Variants in ZNF577 observed in about 807,000 individuals in gnomAD.
ZNF577 encodes zinc finger protein 577.
Under a neutral mutation model 13.9 loss-of-function variants are expected in ZNF577, and 14 were observed. The ratio of observed to expected loss-of-function variants is 1.00; its 90% CI spans 0.66 to 1.57. The LOEUF (loss-of-function observed/expected upper bound fraction) is 1.57. Among genes scored for constraint, ZNF577 ranks in the 40% most tolerant of loss-of-function variants. ZNF577 has a pLI of 0.00. For missense variants in ZNF577, 555 were observed against 579.2 expected, an observed-to-expected ratio of 0.96 and a Z score of 0.43; for synonymous variants, 203 against 202.9, an observed-to-expected ratio of 1.00 and a Z score of 0.00.
intron 5 of ZNF577, among the ~76,000 whole-genome samples, chr19:51,848,120 T>C (rs983041334): frequency 3.9e-5 from 6 of 152,202 alleles, no homozygotes; most frequent in Non-Finnish European, 1.5e-5. Flanking sequence ...ACTGATCCTT[T>C]CTAATCTTCT....
chr19:51,885,331 G>A (rs1327629689), intron 1 of ZNF577, among the ~76,000 whole-genome samples: 1 of 152,138 alleles, frequency 6.6e-6, no homozygotes, highest in Non-Finnish European at 1.5e-5. Context: ...TCATCTGTCT[G>A]CACCTTTACA....
Position 51,877,386 on chromosome 19 carries a change from G to T in ZNF577, c.188-9C>A. Reference sequence around the variant, plus strand: ...CTTGGTGCCTCGATACCCTGTAAATGGGAGATCACTGAACACTTGGCACGT... The same window carrying T: ...CTTGGTGCCTCGATACCCTGTAAATTGGAGATCACTGAACACTTGGCACGT... On this transcript the variant is annotated splice_polypyrimidine_tract_variant and intron_variant, in intron 4 of 5. Coordinates refer to ENST00000638348, the MANE Select transcript of ZNF577 (RefSeq NM_001370449.1). 6.2e-7 allele frequency: 1 copy of T among 1,611,466 alleles called. No homozygotes were observed. Among genetic ancestry groups the T allele is most frequent in the Non-Finnish European group, 8.5e-7 (1 of 1,177,742 alleles).
intron 10 of ZNF577, among the ~76,000 whole-genome samples, chr19:51,807,220 G>C (rs904585595): frequency 6.6e-6 from 1 of 152,182 alleles, no homozygotes; most frequent in African/African-American, 2.4e-5. Context: ...AGGAAGTGGG[G>C]GGGGTGGTTG....
chr19:51,857,348 GAGAAAGAAAGAAGGAAGGAA>G (rs2084435764), intron 5 of ZNF577, among the ~76,000 whole-genome samples: 1 of 58,628 alleles, frequency 1.7e-5, no homozygotes, highest in Non-Finnish European at 3.0e-5. Context: ...GAAAGAAAGA[GAGAAAGAAAGAAGGAAGGAA>G]AGAAAGAAAG....
At chr19:51,836,223 TC>T (rs2122529147) in intron 9 of ZNF577, among the ~76,000 whole-genome samples, 1 of 152,348 alleles carries the variant, frequency 6.6e-6, no homozygotes, top group African/African-American at 2.4e-5. Flanking sequence ...TAATTTCTAC[TC>T]TTCAAAAATC....
At chr19:51,806,830 G>GCGTA (rs774864994) in intron 10 of ZNF577, among the ~76,000 whole-genome samples, 2 of 152,216 alleles carry the variant, frequency 1.3e-5, no homozygotes, top group Non-Finnish European at 2.9e-5. Context: ...TCTGGGTCTA[G>GCGTA]CGTACTTTTA....
At chr19:51,853,524 G>A (rs2084390052) in intron 5 of ZNF577, among the ~76,000 whole-genome samples, 1 of 152,184 alleles carries the variant, frequency 6.6e-6, no homozygotes, top group African/African-American at 2.4e-5. Context: ...TTTTACAGAT[G>A]CATTAGAGGA....
At chr19:51,813,743 C>A (rs1002044786) in intron 9 of ZNF577, among the ~76,000 whole-genome samples, 4 of 152,088 alleles carry the variant, frequency 2.6e-5, no homozygotes, top group Admixed American at 2.6e-4. Context: ...ACTGTGTTAG[C>A]CAGGATGGAC....
At chr19:51,886,253 T>A (rs888311925) in intron 1 of ZNF577, 14 of 151,962 alleles carry the variant, frequency 9.2e-5, no homozygotes, top group South Asian at 4.2e-4. Context: ...GGCAAAAAAA[T>A]TTTTTAACTT....
At chr19:51,816,321 G>A (rs1292494814) in intron 9 of ZNF577, among the ~76,000 whole-genome samples, 1 of 152,140 alleles carries the variant, frequency 6.6e-6, no homozygotes, top group Non-Finnish European at 1.5e-5. Context: ...GATCTCGGCT[G>A]ACTACAACCT....
intron 5 of ZNF577, among the ~76,000 whole-genome samples, chr19:51,849,669 G>A (rs1421644320): frequency 6.6e-6 from 1 of 152,158 alleles, no homozygotes; most frequent in Non-Finnish European, 1.5e-5. Flanking sequence ...AAACGATACT[G>A]GAACCCTCAT....
At chr19:51,836,061 T>G (rs1482269128) in intron 9 of ZNF577, among the ~76,000 whole-genome samples, 1 of 152,246 alleles carries the variant, frequency 6.6e-6, no homozygotes, top group Non-Finnish European at 1.5e-5. Flanking sequence ...TACACATTAG[T>G]GGTTTTAAAA....
At chr19:51,878,647 A>T in intron 3 of ZNF577, 132 bp from the exon 4 acceptor site, 1 of 1,152,298 alleles carries the variant, frequency 8.7e-7, no homozygotes, top group Non-Finnish European at 1.2e-6. Context: ...ATACCAAAGG[A>T]CCATGGAATT....
intron 5 of ZNF577, among the ~76,000 whole-genome samples, chr19:51,849,876 C>G (rs1480342358): frequency 6.6e-6 from 1 of 152,136 alleles, no homozygotes; most frequent in Non-Finnish European, 1.5e-5. Flanking sequence ...GAATACTATT[C>G]GTCAACAAAA....
intron 5 of ZNF577, among the ~76,000 whole-genome samples, chr19:51,853,932 G>C (rs945197338): frequency 2.6e-5 from 4 of 152,016 alleles, no homozygotes; most frequent in African/African-American, 9.7e-5. Context: ...GTCGAAAGAA[G>C]CAAACTGGAT....
chr19:51,866,511 T>C (rs988783654), downstream of ZNF577, among the ~76,000 whole-genome samples: 2 of 152,210 alleles, frequency 1.3e-5, no homozygotes, highest in African/African-American at 4.8e-5. Context: ...AGAGCCCTGT[T>C]GGCCCACACC....
intron 3 of ZNF577, among the ~76,000 whole-genome samples, chr19:51,879,666 C>T (rs1395678231): frequency 2.0e-5 from 3 of 151,962 alleles, no homozygotes; most frequent in Admixed American, 2.0e-4. Context: ...TATATTCTAC[C>T]AGATGTCAAT....
chr19:51,852,948 T>TTTG (rs2084386745), intron 5 of ZNF577, among the ~76,000 whole-genome samples: 1 of 151,626 alleles, frequency 6.6e-6, no homozygotes, highest in African/African-American at 2.4e-5. Flanking sequence ...TTTTTTTCTT[T>TTTG]GAGACAGGGT....
At chr19:51,807,943 G>A (rs1446175678) in intron 10 of ZNF577, among the ~76,000 whole-genome samples, 1 of 152,242 alleles carries the variant, frequency 6.6e-6, no homozygotes, top group Non-Finnish European at 1.5e-5. Flanking sequence ...TGATTAGATA[G>A]AAAGAACCAT....
Sources: allele counts gnomAD v4.1 joint callset (sites outside exome capture counted in the v4.1 genomes callset), GRCh38; gene constraint gnomAD v4.1.1; transcripts MANE v1.5; gene names NCBI Gene and HGNC (gene_info 2026-07-23, HGNC 2026-07-21).